RARB: variants seen among roughly 807,000 people sequenced by gnomAD.
RARB encodes retinoic acid receptor beta, also known as HBV-activated protein.
In RARB, 17 loss-of-function variants were observed where a neutral mutation model predicts 51.9. The ratio of observed to expected loss-of-function variants is 0.33; its 90% CI spans 0.22 to 0.49. The LOEUF (loss-of-function observed/expected upper bound fraction) is 0.49, where lower values mean the gene tolerates loss of function less well. RARB is among the 20% of genes least tolerant of loss of function. RARB has a pLI of 0.99. For missense variants in RARB, 369 were observed against 550.8 expected, an observed-to-expected ratio of 0.67 and a Z score of 3.30; for synonymous variants, 215 against 195.4, an observed-to-expected ratio of 1.10 and a Z score of -0.84.
In RARB at chr3:25,593,595, T is replaced by C. The variant is rs771328915; in HGVS notation, c.879T>C (p.Ala293=). The change falls in exon 6 of 8, where the codon GCT becomes GCC. Residue 293 remains alanine, a synonymous_variant. Transcript: ENST00000330688. Reference sequence around the variant, plus strand: ...TAAATCGAACTCAGATGCACAATGCTGGATTTGGTCCTCTGACTGACCTTG... The same window carrying C: ...TAAATCGAACTCAGATGCACAATGCCGGATTTGGTCCTCTGACTGACCTTG... The part of the protein sequence containing the change: ...LTLNRTQMHN[A]GFGPLTDLVF... The C allele has an allele frequency of 1.9e-6, 3 of 1,614,096 alleles. No individual in the cohort carries two copies. Among genetic ancestry groups the C allele is most frequent in the Non-Finnish European group, 2.5e-6 (3 of 1,179,954 alleles).
chr3:25,059,244 C>T (rs2125303189), intron 2 of RARB, among the ~76,000 whole-genome samples: 1 of 151,688 alleles, frequency 6.6e-6, no homozygotes, highest in South Asian at 2.1e-4. Flanking sequence ...CATTCGTTTC[C>T]AGTTTTTCAT....
intron 5 of RARB, among the ~76,000 whole-genome samples, chr3:25,272,420 T>C (rs1021582062): frequency 1.3e-5 from 2 of 152,192 alleles, no homozygotes; most frequent in African/African-American, 4.8e-5. Flanking sequence ...CTCTGCCTCC[T>C]CTATAACAGA....
chr3:25,064,478 C>T (rs538569294), intron 3 of RARB, among the ~76,000 whole-genome samples: 2 of 152,110 alleles, frequency 1.3e-5, no homozygotes, highest in South Asian at 4.1e-4. Context: ...CAAAAAAGAA[C>T]TCCTGCTTAG....
At chr3:24,950,007 A>T (rs1222928670) in intron 2 of RARB, among the ~76,000 whole-genome samples, 1 of 152,222 alleles carries the variant, frequency 6.6e-6, no homozygotes, top group African/African-American at 2.4e-5. Context: ...CAGTTGCAAC[A>T]ATGTGTAACA....
intron 2 of RARB, among the ~76,000 whole-genome samples, chr3:24,874,790 A>T (rs531508639): frequency 1.1e-3 from 167 of 151,582 alleles, no homozygotes; most frequent in Admixed American, 1.8e-3. Context: ...CACAATTTTA[A>T]ATTGTTTATA....
At chr3:25,244,802 G>C (rs1398552097) in intron 5 of RARB, among the ~76,000 whole-genome samples, 1 of 152,138 alleles carries the variant, frequency 6.6e-6, no homozygotes, top group Non-Finnish European at 1.5e-5. Context: ...ATTTGGGGTG[G>C]AGAGTTCTGT....
At chr3:24,928,343 T>A (rs185051933) in intron 2 of RARB, among the ~76,000 whole-genome samples, 21 of 152,120 alleles carry the variant, frequency 1.4e-4, no homozygotes, top group Non-Finnish European at 2.5e-4. Flanking sequence ...TTGTAATTCA[T>A]ACTTACATTA....
chr3:25,295,885 G>A (rs751327811), intron 5 of RARB, among the ~76,000 whole-genome samples: 9 of 152,196 alleles, frequency 5.9e-5, no homozygotes, highest in African/African-American at 1.7e-4. Context: ...GCAGCTAGAC[G>A]GAGAATTCTG....
intron 3 of RARB, among the ~76,000 whole-genome samples, chr3:25,520,787 T>A (rs1224300745): frequency 6.6e-6 from 1 of 152,184 alleles, no homozygotes; most frequent in Admixed American, 6.5e-5. Flanking sequence ...AACACTTAAG[T>A]CCAGCTCATG....
Position 25,580,833 on chromosome 3 carries a change from C to T in RARB, c.786+111C>T, listed in dbSNP as rs186036336. 6.2e-4 allele frequency: 765 copies of T among 1,227,842 alleles called. 1 individual carries two copies. In the African/African-American group the frequency reaches 9.6e-3, roughly 15 times the overall value. 76.1% of individuals were successfully genotyped at this position (1,227,842 alleles called of 1,614,324 possible). A position where few individuals can be genotyped will look rare whatever the true frequency, so the allele number is the denominator to read the frequency against. On this transcript the variant is annotated intron_variant, in intron 5 of 7. Coordinates refer to ENST00000330688, the MANE Select transcript of RARB (RefSeq NM_000965.5). ...GATCTCCAGAGGAGGTTTTGAGTTT[C>T]GACTCTAGCACTCACCTGACTTAGT... is the stretch of plus-strand genomic sequence containing the variant.
At chr3:25,283,272 C>T (rs1703568818) in intron 5 of RARB, among the ~76,000 whole-genome samples, 2 of 152,304 alleles carry the variant, frequency 1.3e-5, no homozygotes, top group East Asian at 1.9e-4. Context: ...CCAGCCTGAA[C>T]CAGGCAAAAG....
intron 4 of RARB, among the ~76,000 whole-genome samples, chr3:25,154,039 T>C (rs1700335931): frequency 6.6e-6 from 1 of 152,258 alleles, no homozygotes; most frequent in Admixed American, 6.5e-5. Context: ...TTTATCTTTG[T>C]ATGCTTTTCA....
intron 5 of RARB, among the ~76,000 whole-genome samples, chr3:25,404,984 C>A (rs910001962): frequency 6.6e-6 from 1 of 151,928 alleles, no homozygotes; most frequent in Non-Finnish European, 1.5e-5. Flanking sequence ...TATATGGGGA[C>A]CTGAAAGAGA....
intron 5 of RARB, among the ~76,000 whole-genome samples, chr3:25,349,625 A>G (rs13080165): frequency 0.19 from 28,500 of 152,216 alleles, 3,420 homozygotes; most frequent in Admixed American, 0.32. Context: ...ATATTTTACA[A>G]TCAAAAGCAC....
chr3:25,109,589 A>G (rs528003805), intron 3 of RARB, among the ~76,000 whole-genome samples: 26 of 151,996 alleles, frequency 1.7e-4, no homozygotes, highest in Non-Finnish European at 3.7e-4. Context: ...GTACCTTTCT[A>G]CTCTCTGTTT....
intron 5 of RARB, among the ~76,000 whole-genome samples, chr3:25,311,346 G>A (rs371823498): frequency 1.2e-4 from 19 of 152,342 alleles, no homozygotes; most frequent in South Asian, 4.1e-4. Context: ...AAAAGAGTCC[G>A]CTGATAGGAA....
intron 3 of RARB, among the ~76,000 whole-genome samples, chr3:25,566,355 C>T (rs1700494467): frequency 6.6e-6 from 1 of 152,158 alleles, no homozygotes; most frequent in African/African-American, 2.4e-5. Flanking sequence ...CCTTTATTCA[C>T]ATAGACAGTG....
intron 5 of RARB, among the ~76,000 whole-genome samples, chr3:25,281,224 A>G (rs375811794): frequency 9.8e-5 from 15 of 152,324 alleles, no homozygotes; most frequent in African/African-American, 3.4e-4. Flanking sequence ...GAATGGAGCC[A>G]GTGGGGACAT....
chr3:25,562,632 T>G (rs1170990497), intron 3 of RARB, among the ~76,000 whole-genome samples: 1 of 152,250 alleles, frequency 6.6e-6, no homozygotes, highest in Non-Finnish European at 1.5e-5. Context: ...CATTTTCTTT[T>G]TTCTCATTTC....
Sources: gnomAD v4.1 joint callset for allele counts (sites outside exome capture counted in the v4.1 genomes callset) on GRCh38, gnomAD v4.1.1 for gene constraint, MANE v1.5 for transcripts, NCBI Gene and HGNC (gene_info 2026-07-23, HGNC 2026-07-21) for gene names.